The following GAB1 variants were observed in gnomAD, a reference collection of about 807,000 sequenced individuals.
GAB1 encodes GRB2 associated binding protein 1.
Under a neutral mutation model 66.5 loss-of-function variants are expected in GAB1, and 19 were observed. That is an observed-to-expected ratio of 0.29 (90% CI 0.20 to 0.42). The LOEUF is 0.42. GAB1 is among the 10% of genes least tolerant of loss of function. GAB1 has a pLI of 1.00. For missense variants in GAB1, 732 were observed against 858.5 expected, an observed-to-expected ratio of 0.85 and a Z score of 1.84; for synonymous variants, 294 against 301.4, an observed-to-expected ratio of 0.98 and a Z score of 0.25.
chr4:143,452,369 G>A (rs927130415), intron 6 of GAB1, among the ~76,000 whole-genome samples: 1 of 152,180 alleles, frequency 6.6e-6, no homozygotes, highest in African/African-American at 2.4e-5. Context: ...GCAAAGCAAA[G>A]GGAGGGTATG....
chr4:143,454,134 G>C (rs1735064042), intron 6 of GAB1, among the ~76,000 whole-genome samples: 1 of 152,226 alleles, frequency 6.6e-6, no homozygotes, highest in South Asian at 2.1e-4. Flanking sequence ...GGTCTAGCCA[G>C]AGCAGAGCAC....
chr4:143,414,246 A>G (rs951437653), intron 1 of GAB1, among the ~76,000 whole-genome samples: 1 of 152,190 alleles, frequency 6.6e-6, no homozygotes, highest in Non-Finnish European at 1.5e-5. Context: ...TCCCTGAGGA[A>G]GAATTTCAAA....
chr4:143,454,099 G>A (rs1484102497), intron 6 of GAB1, among the ~76,000 whole-genome samples: 1 of 152,188 alleles, frequency 6.6e-6, no homozygotes, highest in Non-Finnish European at 1.5e-5. Flanking sequence ...TTTTAAAGAT[G>A]TACATGAGAA....
Position 143,337,147 on chromosome 4 carries a change from C to A in GAB1, c.-42C>A, listed in dbSNP as rs1198484256. 2.6e-6 allele frequency: 4 copies of A among 1,537,610 alleles called. No homozygotes were observed. Among genetic ancestry groups the A allele is most frequent in the Non-Finnish European group, 3.5e-6 (4 of 1,135,952 alleles). ...TCGGCTGTGTCGGGAGCGCGCCCGC[C>A]GCCCCTCAGCTGCCCGGCCCGGAGC... On this transcript the variant is annotated 5_prime_UTR_variant, in exon 1 of 10. Transcript: ENST00000262994.
chr4:143,420,727 G>A (rs1018787714), intron 2 of GAB1, among the ~76,000 whole-genome samples: 6 of 152,094 alleles, frequency 3.9e-5, no homozygotes, highest in Middle Eastern at 3.4e-3. Context: ...AGTTGCCTCT[G>A]AGTTGCTTTT....
At chr4:143,394,621 T>TTCA (rs1274379605) in intron 1 of GAB1, among the ~76,000 whole-genome samples, 7 of 152,276 alleles carry the variant, frequency 4.6e-5, no homozygotes, top group East Asian at 3.9e-4. Flanking sequence ...GCCACTTAGT[T>TTCA]TCATCATCAT....
At chr4:143,375,990 A>G (rs1730400619) in intron 1 of GAB1, among the ~76,000 whole-genome samples, 1 of 152,200 alleles carries the variant, frequency 6.6e-6, no homozygotes, top group Non-Finnish European at 1.5e-5. Flanking sequence ...TGTCTGGGAC[A>G]AATGCCCACC....
intron 1 of GAB1, among the ~76,000 whole-genome samples, chr4:143,402,169 G>T (rs1027908211): frequency 4.6e-5 from 7 of 151,968 alleles, no homozygotes; most frequent in African/African-American, 1.7e-4. Flanking sequence ...GAATAACTTC[G>T]CATAAATTAT....
chr4:143,465,812 G>C (rs1322481959), intron 8 of GAB1, among the ~76,000 whole-genome samples: 1 of 152,180 alleles, frequency 6.6e-6, no homozygotes, highest in Non-Finnish European at 1.5e-5. Flanking sequence ...ATTGAGTACA[G>C]ACATAATTTT....
intron 1 of GAB1, among the ~76,000 whole-genome samples, chr4:143,408,990 G>A (rs958585927): frequency 1.3e-5 from 2 of 152,176 alleles, no homozygotes; most frequent in African/African-American, 4.8e-5. Flanking sequence ...TCTGGACAAG[G>A]TATACTTTGT....
chr4:143,431,456 G>A (rs886238052), intron 2 of GAB1, among the ~76,000 whole-genome samples: 1 of 152,108 alleles, frequency 6.6e-6, no homozygotes, highest in Non-Finnish European at 1.5e-5. Flanking sequence ...CCTATAATTT[G>A]GATATCCACT....
At chr4:143,406,127 G>A (rs1395099395) in intron 1 of GAB1, among the ~76,000 whole-genome samples, 3 of 152,150 alleles carry the variant, frequency 2.0e-5, no homozygotes, top group East Asian at 1.9e-4. Flanking sequence ...GAGCTAAAAC[G>A]AGGATAGTCT....
chr4:143,391,198 C>CTT (rs1397320281), intron 1 of GAB1, among the ~76,000 whole-genome samples: 15 of 152,176 alleles, frequency 9.9e-5, no homozygotes, highest in Non-Finnish European at 2.2e-4. Context: ...AAGTAACAGT[C>CTT]TAAATGTCTT....
intron 1 of GAB1, among the ~76,000 whole-genome samples, chr4:143,385,952 C>A (rs149268569): frequency 0.011 from 1,709 of 152,170 alleles, 28 homozygotes; most frequent in African/African-American, 0.036. Context: ...CAAGCCGGAG[C>A]AACATGGTGA....
chr4:143,454,926 G>A (rs1013155968), intron 6 of GAB1, among the ~76,000 whole-genome samples: 2 of 151,634 alleles, frequency 1.3e-5, no homozygotes, highest in African/African-American at 4.9e-5. Context: ...ATTATGATTA[G>A]TTTTTCTTCC....
rs1311644745 is a variant in GAB1, at chr4:143,438,281, G to T, written c.876G>T (p.Gly292=). 6 of 1,613,836 alleles carry T rather than the reference G, an allele frequency of 3.7e-6. No individual in the cohort carries two copies. Among genetic ancestry groups the T allele is most frequent in the Non-Finnish European group, 4.2e-6 (5 of 1,179,892 alleles). The change falls in exon 4 of 10, where the codon GGG becomes GGT. Residue 292 remains glycine (G), a synonymous_variant. Transcript: ENST00000262994. ...GELYVFNTPS[G]TSSVETQMRH... ...TCTATGTTTTTAATACCCCATCTGG[G>T]ACATCGAGTGTAGAGACTCAAATGA...
intron 1 of GAB1, among the ~76,000 whole-genome samples, chr4:143,372,460 G>A (rs1425854018): frequency 2.0e-5 from 3 of 152,186 alleles, no homozygotes; most frequent in Non-Finnish European, 4.4e-5. Context: ...GTAGTAGGTA[G>A]AGACAGACAT....
chr4:143,464,628 G>T (rs1420263476), intron 8 of GAB1, among the ~76,000 whole-genome samples: 3 of 152,092 alleles, frequency 2.0e-5, no homozygotes, highest in African/African-American at 7.2e-5. Flanking sequence ...AGTTGTACAG[G>T]TTGTTTACTG....
chr4:143,413,824 C>CTTTTTTTTTTTTTTTTTTTTTTTT (rs35422180), intron 1 of GAB1, among the ~76,000 whole-genome samples: 5 of 67,822 alleles, frequency 7.4e-5, no homozygotes, highest in African/African-American at 2.8e-4. Context: ...CCCCGCTGCC[C>CTTTTTTTTTTTTTTTTTTTTTTTT]TTTTTTTTTT....
Sources: gnomAD v4.1 joint callset for allele counts (sites outside exome capture counted in the v4.1 genomes callset) on GRCh38, gnomAD v4.1.1 for gene constraint, MANE v1.5 for transcripts, NCBI Gene and HGNC (gene_info 2026-07-23, HGNC 2026-07-21) for gene names.